Variants in NCBP1 observed in about 807,000 individuals in gnomAD.
NCBP1 encodes the protein nuclear cap-binding protein subunit 1.
NCBP1 carries 16 observed loss-of-function variants against 111.7 expected under a neutral mutation model. The observed-to-expected ratio is 0.14, with a 90% CI of 0.10 to 0.22. NCBP1 has a LOEUF of 0.22. Among genes scored for constraint, NCBP1 ranks in the 10% least tolerant of loss-of-function variants. NCBP1 has a pLI of 1.00. For missense variants in NCBP1, 607 were observed against 957.5 expected (o/e 0.63, Z 4.83); for synonymous variants, 304 against 314.3 (o/e 0.97, Z 0.35).
chr9:97,646,578 G>A (rs1827340045), intron 6 of NCBP1, among the ~76,000 whole-genome samples: 1 of 152,156 alleles, frequency 6.6e-6, no homozygotes, highest in Admixed American at 6.5e-5. Context: ...GCTCACGCCT[G>A]TAATCCCAGC....
chr9:97,641,597 G>A lies in NCBP1; in HGVS notation c.159G>A (p.Leu53=), dbSNP rs1827206416. Reference sequence around the variant, plus strand: ...CTTTGGAGAGCAACCTAGAAGGCTTGGCTGGTGTTTTGGAAGCTGATCTTC... The same window carrying A: ...CTTTGGAGAGCAACCTAGAAGGCTTAGCTGGTGTTTTGGAAGCTGATCTTC... ...ACSLESNLEG[L]AGVLEADLPN... The change falls in exon 3 of 23, where the codon TTG becomes TTA. Residue 53 remains leucine, a synonymous_variant. Coordinates refer to ENST00000375147, the MANE Select transcript of NCBP1 (RefSeq NM_002486.5). The A allele has an allele frequency of 6.2e-7, 1 of 1,610,274 alleles. No individual in the cohort carries two copies. The highest frequency in any genetic ancestry group is 8.5e-7 in the Non-Finnish European group (1 of 1,177,056).
chr9:97,650,924 C>T (rs983994646), intron 9 of NCBP1, among the ~76,000 whole-genome samples: 2 of 150,804 alleles, frequency 1.3e-5, no homozygotes, highest in African/African-American at 5.0e-5. Context: ...AGCATTTAGA[C>T]ACCCAAGCTT....
intron 10 of NCBP1, 124 bp from the exon 11 acceptor site, chr9:97,653,674 A>G: frequency 1.5e-6 from 1 of 647,652 alleles, no homozygotes; most frequent in South Asian, 2.3e-5. Context: ...TAAATATTAA[A>G]AAGTAATTCC....
At chr9:97,658,063 T>C (rs1827722267) in intron 14 of NCBP1, among the ~76,000 whole-genome samples, 1 of 151,968 alleles carries the variant, frequency 6.6e-6, no homozygotes, top group Non-Finnish European at 1.5e-5. Context: ...CCCTAGTTTC[T>C]AGTAAAGTAG....
chr9:97,633,943 G>C (rs746415841), intron 1 of NCBP1, 28 bp downstream of exon 1: 2 of 1,568,770 alleles, frequency 1.3e-6, no homozygotes, highest in Admixed American at 1.8e-5. Context: ...GGCCACGGAG[G>C]CCGCTCCCGG....
intron 1 of NCBP1, among the ~76,000 whole-genome samples, chr9:97,640,534 G>C (rs551271126): frequency 6.6e-6 from 1 of 152,186 alleles, no homozygotes; most frequent in Non-Finnish European, 1.5e-5. Flanking sequence ...CAGGGCTGCT[G>C]ATTGCATAGC....
rs115742736 is a variant in NCBP1 at position 97,669,791 on chromosome 9, A to T, written c.2259+85A>T. ...AAAAAAAATCCTTGTCAAATTTGTT[A>T]GGAGGTTATATAGTACCTGTTAGAC... On this transcript the variant is annotated intron_variant, in intron 22 of 22. Transcript: ENST00000375147. 30 of 943,406 alleles carry T rather than the reference A, an allele frequency of 3.2e-5. No homozygotes were observed. The African/African-American group carries it at 4.4e-4, about 14-fold the overall frequency. The allele number at this position is 943,406 out of a possible 1,614,324, so 58.4% of individuals were successfully genotyped here.
At chr9:97,666,985 T>A in intron 20 of NCBP1, 108 bp downstream of exon 20, 1 of 835,980 alleles carries the variant, frequency 1.2e-6, no homozygotes, top group South Asian at 2.1e-5. Flanking sequence ...TGAGCCCAAA[T>A]TAATGCAGAG....
intron 10 of NCBP1, among the ~76,000 whole-genome samples, chr9:97,652,467 A>G (rs1162156472): frequency 2.0e-5 from 3 of 152,106 alleles, no homozygotes; most frequent in Admixed American, 6.5e-5. Flanking sequence ...AAAATACAAG[A>G]AAAAAAAGAA....
chr9:97,671,419 A>T lies in NCBP1; in HGVS notation c.*220A>T. ...TGTGACTATGACCATGATATATTAT[A>T]TATGTGACAGATACAAATTCTCTGT... On this transcript the variant is annotated 3_prime_UTR_variant, in exon 23 of 23. Transcript: ENST00000375147. 2.2e-6 allele frequency: 1 copy of T among 456,462 alleles called. No individual in the cohort carries two copies. The allele number at this position is 456,462 out of a possible 1,614,324, so 28.3% of individuals were successfully genotyped here. A position where few individuals can be genotyped will look rare whatever the true frequency, so the allele number is the denominator to read the frequency against.
chr9:97,665,849 G>A (rs2131366411), intron 19 of NCBP1, among the ~76,000 whole-genome samples: 1 of 148,230 alleles, frequency 6.7e-6, no homozygotes, highest in African/African-American at 2.5e-5. Context: ...AAGCCTTAGT[G>A]ATAACGTAGT....
intron 17 of NCBP1, among the ~76,000 whole-genome samples, chr9:97,662,421 G>T (rs1257545864): frequency 6.6e-6 from 1 of 152,182 alleles, no homozygotes; most frequent in Non-Finnish European, 1.5e-5. Flanking sequence ...GTCATATGCA[G>T]TTGGAAGTTC....
At chr9:97,666,995 G>A (rs957458282) in intron 20 of NCBP1, 118 bp downstream of exon 20, 17 of 757,324 alleles carry the variant, frequency 2.2e-5, no homozygotes, top group Admixed American at 3.5e-5. Flanking sequence ...TTAATGCAGA[G>A]CAGAAATTTT....
chr9:97,636,633 AATAC>A (rs1377397202), intron 1 of NCBP1, among the ~76,000 whole-genome samples: 2 of 90,404 alleles, frequency 2.2e-5, no homozygotes, highest in Non-Finnish European at 2.2e-5. Flanking sequence ...TATGGAAAGT[AATAC>A]ATATATATAT....
At chr9:97,643,036 T>C (rs189056016) in intron 3 of NCBP1, among the ~76,000 whole-genome samples, 168 bp from the exon 4 acceptor site, 1 of 148,484 alleles carries the variant, frequency 6.7e-6, no homozygotes, top group African/African-American at 2.4e-5. Flanking sequence ...TACGGGACTA[T>C]GTCTGTAACA....
At chr9:97,670,158 G>T in intron 22 of NCBP1, 7 of 243,576 alleles carry the variant, frequency 2.9e-5, no homozygotes, top group South Asian at 5.7e-5. Flanking sequence ...CCTGACCTCA[G>T]GAGGCCTCCG....
chr9:97,656,961 T>C lies in NCBP1; in HGVS notation c.1373+876T>C, dbSNP rs141125403. Among the ~76,000 whole-genome samples, 16 of 152,216 alleles carry C rather than the reference T, an allele frequency of 1.1e-4. No individual in the cohort carries two copies. The East Asian group carries it at 2.9e-3, about 28-fold the overall frequency. On this transcript the variant is annotated intron_variant, in intron 14 of 22. Transcript: ENST00000375147. Reference sequence around the variant, plus strand: ...ATTTCCTGTCTGGTCTGGAGTGTTTTTTTTGTTTTGTTTTGTTTTGTTTTT... The same window carrying C: ...ATTTCCTGTCTGGTCTGGAGTGTTTCTTTTGTTTTGTTTTGTTTTGTTTTT...
At chr9:97,636,014 C>T (rs1397931349) in intron 1 of NCBP1, 1 of 152,224 alleles carries the variant, frequency 6.6e-6, no homozygotes, top group East Asian at 1.9e-4. Flanking sequence ...AGCCAAATCA[C>T]TGTCCATTTG....
chr9:97,643,157 A>C (rs776731635), intron 3 of NCBP1, 47 bp from the exon 4 acceptor site: 64 of 1,526,708 alleles, frequency 4.2e-5, no homozygotes, highest in Admixed American at 1.8e-4. Flanking sequence ...CAGCAACTTA[A>C]CGCCATTGTT....
Sources: gnomAD v4.1 joint callset for allele counts (sites outside exome capture counted in the v4.1 genomes callset) on GRCh38, gnomAD v4.1.1 for gene constraint, MANE v1.5 for transcripts, NCBI Gene and HGNC (gene_info 2026-07-23, HGNC 2026-07-21) for gene names.